ZDHHC6: variants seen among roughly 807,000 people sequenced by gnomAD.
ZDHHC6 encodes the protein zDHHC palmitoyltransferase 6, also known as palmitoyltransferase ZDHHC6.
A neutral mutation model predicts 57.8 loss-of-function variants in ZDHHC6; 32 were observed. The ratio of observed to expected loss-of-function variants is 0.55; its 90% CI spans 0.42 to 0.74. ZDHHC6 has a LOEUF of 0.74. Among genes scored for constraint, ZDHHC6 ranks in the 30% least tolerant of loss-of-function variants. ZDHHC6 has a pLI of 0.00. For synonymous variants in ZDHHC6, 128 were observed against 158.0 expected (o/e 0.81, Z 1.42); for missense variants, 433 against 500.7 (o/e 0.86, Z 1.29).
upstream of ZDHHC6, chr10:112,447,447 G>A: frequency 3.7e-6 from 6 of 1,613,626 alleles, no homozygotes; most frequent in Non-Finnish European, 4.2e-6. Flanking sequence ...AAGATTGCGA[G>A]GGTCCCACGA....
chr10:112,425,987 G>C (rs1218687874), downstream of ZDHHC6, among the ~76,000 whole-genome samples: 1 of 152,210 alleles, frequency 6.6e-6, no homozygotes, highest in Non-Finnish European at 1.5e-5. Flanking sequence ...GACAAGGGGA[G>C]AGTTGACATG....
chr10:112,438,058 A>C (rs1198018471), intron 6 of ZDHHC6, among the ~76,000 whole-genome samples: 1 of 152,208 alleles, frequency 6.6e-6, no homozygotes, highest in African/African-American at 2.4e-5. Context: ...AGAGACAACA[A>C]ACAGATGGTT....
Position 112,440,595 on chromosome 10 carries a change from A to G in ZDHHC6, c.620T>C (p.Leu207Ser). Reference protein sequence around the residue: ...PFGLAAFATTLFALGLALGTT... With the variant: ...PFGLAAFATTSFALGLALGTT... ...TCCTAAAGCTAATCCCAAGGCAAAC[A>G]AGGTGGTAGCAAATGCAGCTAATCC... Residue 207 changes from leucine to serine, a missense_variant, in exon 5 of 11, where the codon TTG (leucine) becomes TCG (serine). By Grantham distance (145) the Leu-to-Ser change is moderately radical. Coordinates refer to ENST00000369405, the MANE Select transcript of ZDHHC6 (RefSeq NM_022494.3). The G allele has an allele frequency of 6.2e-7, 1 of 1,614,108 alleles. No individual in the cohort carries two copies. Among genetic ancestry groups the G allele is most frequent in the South Asian group, 1.1e-5 (1 of 91,076 alleles).
upstream of ZDHHC6, chr10:112,447,178 G>T: frequency 1.8e-6 from 1 of 552,582 alleles, no homozygotes; most frequent in Non-Finnish European, 3.2e-6. Context: ...AATAAAGCAC[G>T]CACGCAACCC....
downstream of ZDHHC6, chr10:112,425,304 C>CA (rs1844625205): frequency 6.3e-7 from 1 of 1,574,860 alleles, no homozygotes; most frequent in African/African-American, 1.4e-5. Context: ...CTCTGTGGCT[C>CA]AAAAATACTG....
rs1173831084 is a variant in ZDHHC6, at chr10:112,425,118, C to A, written c.*519G>T. 13 of 358,204 alleles carry A rather than the reference C, an allele frequency of 3.6e-5. No individual in the cohort carries two copies. The Admixed American group carries it at 3.7e-4, about 10-fold the overall frequency. The allele number at this position is 358,204 out of a possible 1,614,324, so 22.2% of individuals were successfully genotyped here. A position where few individuals can be genotyped will look rare whatever the true frequency, so the allele number is the denominator to read the frequency against. On this transcript the variant is annotated 3_prime_UTR_variant, in exon 12 of 12. Transcript: ENST00000626395. ...ATCCAGGAGACTTTCTCTAAGGCTG[C>A]GCATTGACTCTCCACATAGATATAC...
intron 6 of ZDHHC6, among the ~76,000 whole-genome samples, chr10:112,434,726 TA>T (rs893013835): frequency 6.6e-6 from 1 of 152,222 alleles, no homozygotes; most frequent in African/African-American, 2.4e-5. Flanking sequence ...AAAGGCTTAT[TA>T]AAAGTTAGCT....
At chr10:112,425,340 T>A, downstream of ZDHHC6, 2 of 1,611,532 alleles carry the variant, frequency 1.2e-6, no homozygotes, top group Non-Finnish European at 1.7e-6. Flanking sequence ...TCATGTAGAA[T>A]GGAACTCTGA....
At position 112,439,628 on chromosome 10, in the gene ZDHHC6, TAAAAAAAAAAAAAAAAAAAAAAAAAAA is replaced by T. The variant is rs869272293; in HGVS notation, c.681+879_681+905del. 1.2e-3 allele frequency among the ~76,000 whole-genome samples: 39 copies of T among 31,306 alleles called. 1 individual carries two copies. The South Asian group carries it at 0.036, about 29-fold the overall frequency. 20.5% of individuals were successfully genotyped at this position (31,306 alleles called of 152,430 possible). A position where few individuals can be genotyped will look rare whatever the true frequency, so the allele number is the denominator to read the frequency against. ...CTGGGTGACAGAGTGAGACTCCGTCTAAAAAAAAAAAAAAAAAAAAAAAAAAAAAAAAAAAAAAAAAGAATGAAAAAG... is the reference window on the plus strand; with the variant it reads ...CTGGGTGACAGAGTGAGACTCCGTCTAAAAAAAAAAAAAAGAATGAAAAAG... On this transcript the variant is annotated intron_variant, in intron 5 of 10. Coordinates refer to ENST00000369405, the MANE Select transcript of ZDHHC6 (RefSeq NM_022494.3).
chr10:112,440,507 T>G, intron 5 of ZDHHC6, 27 bp downstream of exon 5: 1 of 1,603,614 alleles, frequency 6.2e-7, no homozygotes, highest in Non-Finnish European at 8.5e-7. Flanking sequence ...CTTGACACTT[T>G]TGACTTGAGG....
At chr10:112,433,205 G>T in intron 8 of ZDHHC6, 35 bp downstream of exon 8, 2 of 1,527,962 alleles carry the variant, frequency 1.3e-6, no homozygotes, top group Non-Finnish European at 1.8e-6. Flanking sequence ...CCTAACAAAA[G>T]AAAAAAAAAT....
At chr10:112,428,942 AC>A, downstream of ZDHHC6, among the ~76,000 whole-genome samples, 1 of 152,312 alleles carries the variant, frequency 6.6e-6, no homozygotes, top group African/African-American at 2.4e-5. Context: ...TGAAGACCAA[AC>A]CTTCTTATCC....
chr10:112,434,306 G>A lies in ZDHHC6; in HGVS notation c.894C>T (p.Tyr298=), dbSNP rs1440251149. The change falls in exon 7 of 11, where the codon TAC becomes TAT. Residue 298 remains tyrosine, a synonymous_variant. Transcript: ENST00000369405. The part of the protein sequence containing the change: ...EWPVREGCHQ[Y]SLTIEQLKQK... ...GAACAAAAATACTCACTGTTAAGCT[G>A]TATTGGTGACAGCCTTCTCTTACTG... 3.1e-6 allele frequency: 5 copies of A among 1,610,928 alleles called. No individual in the cohort carries two copies. Among genetic ancestry groups the A allele is most frequent in the African/African-American group, 1.3e-5 (1 of 74,876 alleles).
At chr10:112,445,684 A>G (rs933895077) in intron 1 of ZDHHC6, 34 bp from the exon 2 acceptor site, 5 of 532,246 alleles carry the variant, frequency 9.4e-6, no homozygotes, top group African/African-American at 9.4e-5. Flanking sequence ...TTCAGTTAAA[A>G]CAAAACAAAA....
downstream of ZDHHC6, chr10:112,426,142 T>A: frequency 3.8e-6 from 3 of 780,748 alleles, no homozygotes; most frequent in Non-Finnish European, 6.3e-6. Flanking sequence ...AGTACTGGAT[T>A]TAAGGTTTTG....
intron 7 of ZDHHC6, 98 bp from the exon 8 acceptor site, chr10:112,433,379 C>A: frequency 1.0e-6 from 1 of 959,366 alleles, no homozygotes; most frequent in East Asian, 2.7e-5. Context: ...TGGCAAAACC[C>A]CAATTTTCCA....
chr10:112,432,045 T>C (rs1182763499), intron 10 of ZDHHC6, among the ~76,000 whole-genome samples, 195 bp downstream of exon 10: 1 of 152,222 alleles, frequency 6.6e-6, no homozygotes, highest in Non-Finnish European at 1.5e-5. Flanking sequence ...ATGTTAGCTA[T>C]CATTAAAAAG....
At position 112,430,694 on chromosome 10, in the gene ZDHHC6, G is replaced by T; in HGVS notation, c.*110C>A. 1.1e-6 allele frequency: 1 copy of T among 891,192 alleles called. No individual in the cohort carries two copies. The highest frequency in any genetic ancestry group is 1.6e-6 in the Non-Finnish European group (1 of 612,950). The allele number at this position is 891,192 out of a possible 1,614,324, so 55.2% of individuals were successfully genotyped here. A position where few individuals can be genotyped will look rare whatever the true frequency, so the allele number is the denominator to read the frequency against. Reference sequence around the variant, plus strand: ...TAAATCATGGCACTAGGGCACCTTTGAGGAAAAGAACATCTTAACCAGAGT... The same window carrying T: ...TAAATCATGGCACTAGGGCACCTTTTAGGAAAAGAACATCTTAACCAGAGT... On this transcript the variant is annotated 3_prime_UTR_variant, in exon 11 of 11. Transcript: ENST00000369405.
chr10:112,438,072 C>T (rs1017036802), intron 6 of ZDHHC6, among the ~76,000 whole-genome samples: 1 of 152,198 alleles, frequency 6.6e-6, no homozygotes, highest in Non-Finnish European at 1.5e-5. Flanking sequence ...GATGGTTTGA[C>T]GTGTGGCTTA....
Sources: gnomAD v4.1 joint callset for allele counts (sites outside exome capture counted in the v4.1 genomes callset) on GRCh38, gnomAD v4.1.1 for gene constraint, MANE v1.5 for transcripts, NCBI Gene and HGNC (gene_info 2026-07-23, HGNC 2026-07-21) for gene names.